The following FMNL3 variants were observed in gnomAD, a reference collection of about 807,000 sequenced individuals.
FMNL3 encodes the protein formin-like protein 3.
FMNL3 carries 57 observed loss-of-function variants against 119.6 expected under a neutral mutation model. The observed-to-expected ratio is 0.48, with a 90% CI of 0.39 to 0.59. FMNL3 has a LOEUF of 0.59. Ranked by LOEUF, FMNL3 falls within the 20% of genes least tolerant of loss-of-function variation. The pLI is 0.00. For missense variants in FMNL3, 1,053 were observed against 1,323.5 expected, an observed-to-expected ratio of 0.80 and a Z score of 3.17; for synonymous variants, 491 against 507.3, an observed-to-expected ratio of 0.97 and a Z score of 0.43.
chr12:49,662,473 A>T lies in FMNL3; in HGVS notation c.369-424T>A, dbSNP rs569755944. On this transcript the variant is annotated intron_variant, in intron 4 of 25. Coordinates refer to ENST00000335154, the MANE Select transcript of FMNL3 (RefSeq NM_175736.5). ...CCGAAGCCAGCAAGTCTCCAACTTG[A>T]CTGAAGCCTCAGTCAAGACCCCAGC... Among the ~76,000 whole-genome samples the T allele has an allele frequency of 2.0e-5, 3 of 152,296 alleles. No individual in the cohort carries two copies. In the South Asian group the frequency reaches 6.2e-4, roughly 32 times the overall value.
intron 1 of FMNL3, among the ~76,000 whole-genome samples, chr12:49,683,242 C>T (rs1160274049): frequency 1.3e-5 from 2 of 152,190 alleles, no homozygotes; most frequent in East Asian, 1.9e-4. Flanking sequence ...ATATGTATTT[C>T]TATCCCAGAC....
intron 1 of FMNL3, among the ~76,000 whole-genome samples, chr12:49,705,229 CA>C (rs560538004): frequency 1.4e-4 from 22 of 152,286 alleles, no homozygotes; most frequent in African/African-American, 5.3e-4. Flanking sequence ...CATGAGGAAA[CA>C]AATCAAAATT....
Position 49,645,730 on chromosome 12 carries a change from C to T in FMNL3, c.*85G>A. 1.7e-6 allele frequency: 2 copies of T among 1,206,810 alleles called. No homozygotes were observed. Among genetic ancestry groups the T allele is most frequent in the South Asian group, 1.4e-5 (1 of 72,420 alleles). The allele number at this position is 1,206,810 out of a possible 1,614,324, so 74.8% of individuals were successfully genotyped here. ...ATGGTTGAGAGAGCAACACAGCCCT[C>T]TCCTGAGCCCTTGGCCAATTCCAGG... is the stretch of plus-strand genomic sequence containing the variant. On this transcript the variant is annotated 3_prime_UTR_variant, in exon 26 of 26. Coordinates refer to ENST00000335154, the MANE Select transcript of FMNL3 (RefSeq NM_175736.5).
chr12:49,650,443 G>GAA (rs1943361332), intron 17 of FMNL3, among the ~76,000 whole-genome samples: 1 of 152,182 alleles, frequency 6.6e-6, no homozygotes, highest in African/African-American at 2.4e-5. Context: ...CCATCCTGGT[G>GAA]GTATCACTCA....
In FMNL3 at chr12:49,657,041, CAGA is replaced by C. The variant is rs747166237; in HGVS notation, c.714+38_714+40del. 1.3e-5 allele frequency: 20 copies of C among 1,592,870 alleles called. 2 individuals carry two copies. The highest frequency in any genetic ancestry group is 1.2e-4 in the South Asian group (11 of 90,512). Reference sequence around the variant, plus strand: ...AGCTCTCCTGGTTTTGCAGATGAGGCAGAAGAAGTAGAGCACCTATGGCTAGTG... The same window carrying C: ...AGCTCTCCTGGTTTTGCAGATGAGGCAGAAGTAGAGCACCTATGGCTAGTG... On this transcript the variant is annotated intron_variant, in intron 7 of 25. Coordinates refer to ENST00000335154, the MANE Select transcript of FMNL3 (RefSeq NM_175736.5).
chr12:49,666,606 AC>A (rs1317311807), intron 2 of FMNL3, among the ~76,000 whole-genome samples: 2 of 152,122 alleles, frequency 1.3e-5, no homozygotes, highest in Admixed American at 1.3e-4. Context: ...AGTCTGGATA[AC>A]ATAGGAAGAC....
At chr12:49,654,803 G>A in intron 10 of FMNL3, 107 bp downstream of exon 10, 2 of 1,050,440 alleles carry the variant, frequency 1.9e-6, no homozygotes, top group Non-Finnish European at 2.8e-6. Flanking sequence ...GAATCATTCT[G>A]GGCTCTACGT....
At chr12:49,662,085 TA>T (rs769966200) in intron 4 of FMNL3, 36 bp from the exon 5 acceptor site, 4 of 1,604,348 alleles carry the variant, frequency 2.5e-6, no homozygotes, top group African/African-American at 1.3e-5. Flanking sequence ...AGGGGTCTGC[TA>T]AAAGTGGGTC....
In FMNL3 at chr12:49,636,882, A is replaced by T. The variant is rs1256323629; in HGVS notation, c.*8933T>A. ...TGCTGTCCTTTCTAGATCAGAGCTC[A>T]GCTCTGCCCTAGAGCACAACCTCTT... On this transcript the variant is annotated 3_prime_UTR_variant, in exon 26 of 26. Coordinates refer to ENST00000335154, the MANE Select transcript of FMNL3 (RefSeq NM_175736.5). The T allele has an allele frequency of 6.2e-7, 1 of 1,612,390 alleles. No homozygotes were observed. The highest frequency in any genetic ancestry group is 1.3e-5 in the African/African-American group (1 of 74,980).
At position 49,647,924 on chromosome 12, in the gene FMNL3, C is replaced by T; in HGVS notation, c.2677-120G>A. On this transcript the variant is annotated intron_variant, in intron 22 of 25. Coordinates refer to ENST00000335154, the MANE Select transcript of FMNL3 (RefSeq NM_175736.5). The surrounding 1 kb of genome is among the most constrained non-coding windows in gnomAD (Gnocchi z 4.9). The stretch of plus-strand genomic sequence containing the variant: ...GGCCAAAGGGAGGAAAACCAAGCAC[C>T]CAGGCCCCTGTGAGCTGGAGGGAAC... 4.6e-6 allele frequency: 4 copies of T among 865,462 alleles called. No individual in the cohort carries two copies. Among genetic ancestry groups the T allele is most frequent in the Non-Finnish European group, 7.1e-6 (4 of 567,198 alleles). The allele number at this position is 865,462 out of a possible 1,614,324, so 53.6% of individuals were successfully genotyped here. A position where few individuals can be genotyped will look rare whatever the true frequency, so the allele number is the denominator to read the frequency against.
At chr12:49,671,036 T>C (rs564764732) in intron 1 of FMNL3, among the ~76,000 whole-genome samples, 438 of 152,336 alleles carry the variant, frequency 2.9e-3, no homozygotes, top group Non-Finnish European at 5.2e-3. Context: ...TTCTGTTGTC[T>C]CCCCTGGAAG....
chr12:49,685,262 A>T (rs1944428859), intron 1 of FMNL3, among the ~76,000 whole-genome samples: 1 of 152,162 alleles, frequency 6.6e-6, no homozygotes, highest in South Asian at 2.1e-4. Flanking sequence ...AGGCAGGCAG[A>T]TCACTTGAGC....
intron 25 of FMNL3, among the ~76,000 whole-genome samples, chr12:49,646,199 G>T (rs1436931254): frequency 6.6e-6 from 1 of 152,200 alleles, no homozygotes; most frequent in African/African-American, 2.4e-5. Context: ...AGGCTGACTG[G>T]ACGTCAGGAA....
At chr12:49,675,924 T>C (rs2138913764) in intron 1 of FMNL3, among the ~76,000 whole-genome samples, 1 of 152,224 alleles carries the variant, frequency 6.6e-6, no homozygotes, top group Non-Finnish European at 1.5e-5. Context: ...CCTCTCCCAC[T>C]CTATGGAATC....
In FMNL3 at chr12:49,642,416, G is replaced by A; in HGVS notation, c.*3399C>T. ...CCCCAAGCACCCCTCAAGCCTGAGG[G>A]CAGCGGTGCTTCACCACTGAGGGCC... On this transcript the variant is annotated 3_prime_UTR_variant, in exon 26 of 26. Transcript: ENST00000335154. The surrounding 1 kb of genome is among the most constrained non-coding windows in gnomAD (Gnocchi z 5.8). 2 of 1,605,038 alleles carry A rather than the reference G, an allele frequency of 1.2e-6. No individual in the cohort carries two copies. Among genetic ancestry groups the A allele is most frequent in the Non-Finnish European group, 1.7e-6 (2 of 1,173,422 alleles).
chr12:49,653,718 C>T lies in FMNL3; in HGVS notation c.1221+7G>A, dbSNP rs138849204. 2.5e-6 allele frequency: 4 copies of T among 1,613,838 alleles called. No homozygotes were observed. Among genetic ancestry groups the T allele is most frequent in the African/African-American group, 2.7e-5 (2 of 75,028 alleles). On this transcript the variant is annotated splice_region_variant and intron_variant, in intron 12 of 25. Coordinates refer to ENST00000335154, the MANE Select transcript of FMNL3 (RefSeq NM_175736.5). ...GTGGCTCTGGCAGGCAAAGGAAGAC[C>T]ACCTACATGGGACACATGCTCCTCC...
intron 1 of FMNL3, among the ~76,000 whole-genome samples, chr12:49,684,348 GCT>G (rs972392381): frequency 5.9e-5 from 9 of 152,118 alleles, no homozygotes; most frequent in African/African-American, 2.2e-4. Flanking sequence ...ACAAAATAAG[GCT>G]CTCTCTGCCC....
At chr12:49,683,487 T>C (rs115535327) in intron 1 of FMNL3, among the ~76,000 whole-genome samples, 2,121 of 152,162 alleles carry the variant, frequency 0.014, 49 homozygotes, top group African/African-American at 0.047. Flanking sequence ...CAATGTAAAA[T>C]CTAATCAGCC....
chr12:49,680,167 G>T (rs771517226), intron 1 of FMNL3, among the ~76,000 whole-genome samples: 3 of 152,238 alleles, frequency 2.0e-5, no homozygotes, highest in Non-Finnish European at 4.4e-5. Context: ...GCCATTTTGG[G>T]GGGCAGCACC....
Sources: allele counts gnomAD v4.1 joint callset (sites outside exome capture counted in the v4.1 genomes callset), GRCh38; gene constraint gnomAD v4.1.1; non-coding constraint Gnocchi (gnomAD v3.1); transcripts MANE v1.5; gene names NCBI Gene and HGNC (gene_info 2026-07-23, HGNC 2026-07-21).